Variants in EXOC2 observed in about 807,000 individuals in gnomAD.
The protein encoded by EXOC2 is exocyst complex component 2.
Under a neutral mutation model 131.8 loss-of-function variants are expected in EXOC2, and 70 were observed. That is an observed-to-expected ratio of 0.53 (90% CI 0.44 to 0.65). The LOEUF (loss-of-function observed/expected upper bound fraction) is 0.65, where lower values mean the gene tolerates loss of function less well. EXOC2 is among the 30% of genes least tolerant of loss of function. The probability of loss-of-function intolerance (pLI) is 0.00; values close to 1 mark genes in which losing one functional copy is unlikely to be tolerated. For missense variants in EXOC2, 923 were observed against 1,108.6 expected (o/e 0.83, Z 2.38); for synonymous variants, 411 against 398.4 (o/e 1.03, Z -0.38).
At chr6:621,759 T>C (rs989452512) in intron 4 of EXOC2, among the ~76,000 whole-genome samples, 34 of 152,330 alleles carry the variant, frequency 2.2e-4, no homozygotes, top group Middle Eastern at 6.8e-3. Context: ...GCTGGTCCTT[T>C]TCACCGGTCA....
chr6:691,792 C>T (rs970643806), intron 1 of EXOC2, among the ~76,000 whole-genome samples: 1 of 152,224 alleles, frequency 6.6e-6, no homozygotes, highest in Non-Finnish European at 1.5e-5. Context: ...AGATCACTTT[C>T]TAAAACTTCC....
chr6:594,868 ACT>A (rs1272752356), intron 10 of EXOC2, among the ~76,000 whole-genome samples: 2 of 152,106 alleles, frequency 1.3e-5, no homozygotes, highest in South Asian at 2.1e-4. Context: ...ACATTTCAAA[ACT>A]CTGTTTAGAA....
At chr6:587,212 A>T (rs1257990778) in intron 11 of EXOC2, among the ~76,000 whole-genome samples, 3 of 152,074 alleles carry the variant, frequency 2.0e-5, no homozygotes, top group African/African-American at 4.8e-5. Flanking sequence ...AAACATAGAT[A>T]TGACATTACC....
chr6:565,010 G>A (rs996131275), intron 13 of EXOC2, 81 bp from the exon 14 acceptor site: 2 of 1,074,494 alleles, frequency 1.9e-6, no homozygotes, highest in African/African-American at 1.6e-5. Context: ...TACATCAAGA[G>A]AACATTAAAT....
At chr6:550,685 G>A (rs970267926) in intron 21 of EXOC2, among the ~76,000 whole-genome samples, 2 of 152,202 alleles carry the variant, frequency 1.3e-5, no homozygotes, top group African/African-American at 2.4e-5. Context: ...AGGGAGGGAC[G>A]AGGACGCTAC....
chr6:533,368 G>C (rs1462442248), intron 22 of EXOC2, among the ~76,000 whole-genome samples: 1 of 152,154 alleles, frequency 6.6e-6, no homozygotes, highest in Non-Finnish European at 1.5e-5. Context: ...CATTTGAAAA[G>C]TGTGACCAAT....
intron 1 of EXOC2, among the ~76,000 whole-genome samples, chr6:661,317 T>C (rs1711885919): frequency 6.6e-6 from 1 of 152,122 alleles, no homozygotes; most frequent in Non-Finnish European, 1.5e-5. Flanking sequence ...TGCAAAAAGA[T>C]CATCACCTAG....
chr6:546,521 C>G (rs1026207465), intron 22 of EXOC2, among the ~76,000 whole-genome samples: 11 of 152,158 alleles, frequency 7.2e-5, no homozygotes, highest in African/African-American at 2.7e-4. Flanking sequence ...CACCACGGGT[C>G]TGAACTATGT....
At chr6:486,989 C>G (rs945354143) in intron 27 of EXOC2, among the ~76,000 whole-genome samples, 6 of 152,226 alleles carry the variant, frequency 3.9e-5, no homozygotes, top group African/African-American at 7.2e-5. Context: ...AGAAACATCT[C>G]CTTCCTATCC....
chr6:495,054 ATT>A (rs11335528), intron 25 of EXOC2, among the ~76,000 whole-genome samples: 121 of 141,472 alleles, frequency 8.6e-4, no homozygotes, highest in Admixed American at 1.4e-3. Flanking sequence ...AATTAAAACA[ATT>A]TTTTTTTTTT....
At chr6:597,058 C>T (rs573998334) in intron 10 of EXOC2, among the ~76,000 whole-genome samples, 8 of 152,106 alleles carry the variant, frequency 5.3e-5, no homozygotes, top group East Asian at 1.9e-4. Flanking sequence ...ATGAAGAAAC[C>T]GAAAAATAGA....
At chr6:579,888 A>C (rs1758790311) in intron 11 of EXOC2, among the ~76,000 whole-genome samples, 1 of 152,242 alleles carries the variant, frequency 6.6e-6, no homozygotes, top group Non-Finnish European at 1.5e-5. Context: ...CTATAAAAAA[A>C]AGAAAAAAAC....
intron 11 of EXOC2, among the ~76,000 whole-genome samples, chr6:578,266 T>C (rs1758692667): frequency 6.6e-6 from 1 of 152,232 alleles, no homozygotes; most frequent in African/African-American, 2.4e-5. Context: ...GTGTCTCTGA[T>C]AATGCAAACT....
chr6:499,134 GACCC>G (rs928936355), intron 24 of EXOC2, among the ~76,000 whole-genome samples: 1 of 152,094 alleles, frequency 6.6e-6, no homozygotes, highest in Non-Finnish European at 1.5e-5. Context: ...CTGTCTGCAT[GACCC>G]TAAGTCAACC....
At chr6:658,670 T>TATATATA (rs1332684843) in intron 1 of EXOC2, among the ~76,000 whole-genome samples, 1 of 137,136 alleles carries the variant, frequency 7.3e-6, no homozygotes, top group African/African-American at 2.8e-5. Flanking sequence ...TATATATTTT[T>TATATATA]TTTTTTTTTA....
At chr6:534,961 CA>C (rs1766350520) in intron 22 of EXOC2, among the ~76,000 whole-genome samples, 1 of 152,114 alleles carries the variant, frequency 6.6e-6, no homozygotes, top group Non-Finnish European at 1.5e-5. Context: ...GAAGAGATAA[CA>C]TATCAAAATC....
intron 10 of EXOC2, among the ~76,000 whole-genome samples, chr6:594,407 G>A (rs3799311): frequency 0.61 from 92,067 of 152,058 alleles, 29,618 homozygotes; most frequent in Non-Finnish European, 0.71. Flanking sequence ...GGCTTGTTTT[G>A]CCTCCCAACA....
At chr6:633,286 G>A (rs1179755488) in intron 2 of EXOC2, among the ~76,000 whole-genome samples, 169 bp from the exon 3 acceptor site, 2 of 151,932 alleles carry the variant, frequency 1.3e-5, no homozygotes, top group African/African-American at 4.8e-5. Flanking sequence ...CCTCTTACCT[G>A]TTTTTTTCTC....
chr6:658,645 T>TTATATATATATATATATA (rs373868934), intron 1 of EXOC2, among the ~76,000 whole-genome samples: 15 of 118,338 alleles, frequency 1.3e-4, no homozygotes, highest in African/African-American at 4.7e-4. Context: ...TATATATATT[T>TTATATATATATATATATA]TATATATATA....
Sources: allele counts gnomAD v4.1 joint callset (sites outside exome capture counted in the v4.1 genomes callset), GRCh38; gene constraint gnomAD v4.1.1; transcripts MANE v1.5; gene names NCBI Gene and HGNC (gene_info 2026-07-23, HGNC 2026-07-21).